RREB1: variants seen among roughly 807,000 people sequenced by gnomAD.
The protein encoded by RREB1 is ras-responsive element-binding protein 1.
In RREB1, 27 loss-of-function variants were observed where a neutral mutation model predicts 117.8. That is an observed-to-expected ratio of 0.23 (90% CI 0.17 to 0.32). RREB1 has a LOEUF of 0.32. Ranked by LOEUF, RREB1 falls within the 10% of genes least tolerant of loss-of-function variation. The pLI is 1.00. For synonymous variants in RREB1, 1,298 were observed against 1,026.7 expected (o/e 1.26, Z -5.05); for missense variants, 2,577 against 2,378.2 (o/e 1.08, Z -1.74).
rs1414663231 is a variant in RREB1 at position 7,176,700 on chromosome 6, C to T, written c.-239C>T. On this transcript the variant is annotated 5_prime_UTR_variant, in exon 2 of 13. Coordinates refer to ENST00000379938, the MANE Select transcript of RREB1 (RefSeq NM_001003699.4). ...CAGGAGTGGTGGCTCTGAGGTGTGA[C>T]CCTGCCCACGTTTGGGCCCAGCCAG... 1 of 152,734 alleles carries T rather than the reference C, an allele frequency of 6.5e-6. No individual in the cohort carries two copies. The highest frequency in any genetic ancestry group is 2.4e-5 in the African/African-American group (1 of 41,370). 9.5% of individuals were successfully genotyped at this position (152,734 alleles called of 1,614,324 possible).
At chr6:7,177,253 A>G (rs2113517734) in intron 2 of RREB1, among the ~76,000 whole-genome samples, 1 of 151,134 alleles carries the variant, frequency 6.6e-6, no homozygotes, top group Non-Finnish European at 1.5e-5. Flanking sequence ...GGAGGAAAGA[A>G]ATTGTAACTA....
Position 7,230,366 on chromosome 6 carries a change from G to A in RREB1, c.2267G>A (p.Arg756Gln), listed in dbSNP as rs1188849701. The change falls in exon 10 of 13, where the codon CGG becomes CAG. Residue 756 changes from arginine to glutamine, a missense_variant. By Grantham distance (43) the Arg-to-Gln change is conservative. Coordinates refer to ENST00000379938, the MANE Select transcript of RREB1 (RefSeq NM_001003699.4). The part of the protein sequence containing the change: ...DAFCAPDTVC[R>Q]LCGEDLKHYR... Reference sequence around the variant, plus strand: ...TTCTGCGCCCCGGACACCGTGTGCCGGCTGTGCGGCGAGGACCTCAAGCAC... The same window carrying A: ...TTCTGCGCCCCGGACACCGTGTGCCAGCTGTGCGGCGAGGACCTCAAGCAC... The A allele has an allele frequency of 1.3e-6, 2 of 1,591,854 alleles. No homozygotes were observed. Among genetic ancestry groups the A allele is most frequent in the African/African-American group, 1.3e-5 (1 of 74,792 alleles).
In RREB1 at chr6:7,229,556, T is replaced by G; in HGVS notation, c.1457T>G (p.Leu486Arg). The G allele has an allele frequency of 6.2e-7, 1 of 1,613,336 alleles. No individual in the cohort carries two copies. Among genetic ancestry groups the G allele is most frequent in the African/African-American group, 1.3e-5 (1 of 75,034 alleles). ...MAASAPPQIS[L>R]PPFSKAPAAP... ...GCCTCGGCTCCCCCTCAGATCAGTC[T>G]TCCGCCCTTCTCCAAGGCCCCTGCC... Residue 486 changes from leucine (L) to arginine (R), a missense_variant, in exon 10 of 13, where the codon CTT becomes CGT. Coordinates refer to ENST00000379938, the MANE Select transcript of RREB1 (RefSeq NM_001003699.4). This position sits in a 1 kb window ranked among gnomAD's most constrained non-coding sequence, Gnocchi z 4.5.
chr6:7,127,209 A>G (rs965903875), intron 1 of RREB1, among the ~76,000 whole-genome samples: 15 of 152,142 alleles, frequency 9.9e-5, no homozygotes, highest in Admixed American at 5.9e-4. Flanking sequence ...GTTGTGAGCC[A>G]TCAAATGCTT....
intron 1 of RREB1, among the ~76,000 whole-genome samples, chr6:7,127,099 G>T (rs1761974588): frequency 6.6e-6 from 1 of 152,168 alleles, no homozygotes; most frequent in Non-Finnish European, 1.5e-5. Context: ...GCAAAAAGTG[G>T]AATGTGACTA....
rs114551633 is a variant in RREB1 at position 7,229,130 on chromosome 6, G to T, written c.1031G>T (p.Gly344Val). ...HKQTHVAADQ[G>V]QEKPQATPLP... Reference sequence around the variant, plus strand: ...CAGACCCATGTGGCGGCAGACCAGGGTCAAGAAAAGCCGCAGGCCACGCCC... The same window carrying T: ...CAGACCCATGTGGCGGCAGACCAGGTTCAAGAAAAGCCGCAGGCCACGCCC... Residue 344 changes from glycine (G) to valine (V), a missense_variant, in exon 10 of 13, where the codon GGT becomes GTT. Gly to Val is a moderately radical substitution (Grantham distance 109, BLOSUM62 -3). Transcript: ENST00000379938. The surrounding 1 kb of genome is among the most constrained non-coding windows in gnomAD (Gnocchi z 4.5). 176 of 1,609,170 alleles carry T rather than the reference G, an allele frequency of 1.1e-4. 1 individual carries two copies. The Admixed American group carries it at 1.3e-3, about 12-fold the overall frequency.
At chr6:7,232,156 C>T (rs75757892) in intron 10 of RREB1, among the ~76,000 whole-genome samples, 17,513 of 152,214 alleles carry the variant, frequency 0.12, 1,405 homozygotes, top group Non-Finnish European at 0.17. Flanking sequence ...TCATCCGGGG[C>T]GTTTTGAGGT....
chr6:7,237,395 TA>T (rs201516824), intron 10 of RREB1, among the ~76,000 whole-genome samples: 3,703 of 149,302 alleles, frequency 0.025, 133 homozygotes, highest in African/African-American at 0.08. Flanking sequence ...CTTTTTTTTT[TA>T]TTATTATTTG....
chr6:7,200,240 GTATA>G (rs758018886), intron 6 of RREB1, among the ~76,000 whole-genome samples: 4 of 129,592 alleles, frequency 3.1e-5, no homozygotes, highest in African/African-American at 6.6e-5. Context: ...ATGTATGTGT[GTATA>G]TGTGTGTGTG....
At chr6:7,154,944 G>A (rs1763292900) in intron 1 of RREB1, among the ~76,000 whole-genome samples, 1 of 152,148 alleles carries the variant, frequency 6.6e-6, no homozygotes, top group Non-Finnish European at 1.5e-5. Flanking sequence ...GGGGGGTGCT[G>A]GTGACAGTGT....
Position 7,246,758 on chromosome 6 carries a change from A to G in RREB1, c.4308A>G (p.Ala1436=). Residue 1436 remains alanine (A), a synonymous_variant, in exon 12 of 13, where the codon GCA becomes GCG. Transcript: ENST00000379938. The stretch of plus-strand genomic sequence containing the variant: ...AGCTGGCGGAGGGCGACGGCGAGGC[A>G]GGCGCCGGGGGCGCGGCCTCGCAGG... ...DFKLAEGDGE[A]GAGGAASQEQ... 5 of 1,564,548 alleles carry G rather than the reference A, an allele frequency of 3.2e-6. No individual in the cohort carries two copies. Among genetic ancestry groups the G allele is most frequent in the South Asian group, 2.3e-5 (2 of 85,188 alleles).
At chr6:7,239,442 CT>C (rs1432858235) in intron 10 of RREB1, among the ~76,000 whole-genome samples, 1 of 152,196 alleles carries the variant, frequency 6.6e-6, no homozygotes, top group Non-Finnish European at 1.5e-5. Context: ...TTCCCTTGTG[CT>C]TTCTTTCTCC....
At position 7,229,948 on chromosome 6, in the gene RREB1, G is replaced by A; in HGVS notation, c.1849G>A (p.Glu617Lys). Reference sequence around the variant, plus strand: ...GAGCATGGAGGCCAAGATCAAGCAGGAGATCACAGAGGGGGAACTCAAGGC... The same window carrying A: ...GAGCATGGAGGCCAAGATCAAGCAGAAGATCACAGAGGGGGAACTCAAGGC... ...PLSMEAKIKQ[E>K]ITEGELKAFM... Residue 617 changes from glutamate (E) to lysine (K), a missense_variant, in exon 10 of 13, where the codon GAG (glutamate) becomes AAG (lysine). Coordinates refer to ENST00000379938, the MANE Select transcript of RREB1 (RefSeq NM_001003699.4). The surrounding 1 kb of genome is among the most constrained non-coding windows in gnomAD (Gnocchi z 4.5). 6.2e-7 allele frequency: 1 copy of A among 1,601,262 alleles called. No homozygotes were observed. The highest frequency in any genetic ancestry group is 8.5e-7 in the Non-Finnish European group (1 of 1,170,974).
intron 2 of RREB1, among the ~76,000 whole-genome samples, chr6:7,178,504 C>T (rs1211595234): frequency 6.6e-6 from 1 of 152,178 alleles, no homozygotes; most frequent in East Asian, 1.9e-4. Context: ...CAATGAGCTC[C>T]ATTGTGCCTT....
chr6:7,240,800 TAGAC>T (rs1243699152), intron 11 of RREB1, among the ~76,000 whole-genome samples, 198 bp downstream of exon 11: 1 of 152,106 alleles, frequency 6.6e-6, no homozygotes, highest in Non-Finnish European at 1.5e-5. Flanking sequence ...TCAGATCGCC[TAGAC>T]AGACAGCAGA....
chr6:7,154,766 T>C (rs1409538429), intron 1 of RREB1, among the ~76,000 whole-genome samples: 3 of 152,234 alleles, frequency 2.0e-5, no homozygotes, highest in African/African-American at 7.2e-5. Context: ...GCAATTCCGC[T>C]TGTTCATCTT....
chr6:7,138,241 G>A (rs958227185), intron 1 of RREB1, among the ~76,000 whole-genome samples: 1 of 152,186 alleles, frequency 6.6e-6, no homozygotes, highest in African/African-American at 2.4e-5. Flanking sequence ...GAAAATGCCA[G>A]TTACTGTGGT....
intron 1 of RREB1, among the ~76,000 whole-genome samples, chr6:7,116,525 T>C (rs911873782): frequency 1.3e-5 from 2 of 152,232 alleles, no homozygotes; most frequent in African/African-American, 4.8e-5. Context: ...GATTGCATAG[T>C]TGGTGCTCAC....
intron 6 of RREB1, among the ~76,000 whole-genome samples, chr6:7,207,870 G>A (rs956435262): frequency 6.6e-6 from 1 of 152,310 alleles, no homozygotes; most frequent in Middle Eastern, 3.4e-3. Context: ...CTCCCTTGAG[G>A]ACAGATAGAC....
Sources: gnomAD v4.1 joint callset for allele counts (sites outside exome capture counted in the v4.1 genomes callset) on GRCh38, gnomAD v4.1.1 for gene constraint, Gnocchi (gnomAD v3.1) non-coding constraint, MANE v1.5 for transcripts, NCBI Gene and HGNC (gene_info 2026-07-23, HGNC 2026-07-21) for gene names.